The following PCDH11Y variants were observed in gnomAD, a reference collection of about 807,000 sequenced individuals.
PCDH11Y encodes the protein protocadherin-11 Y-linked.
For missense variants in PCDH11Y, 12 were observed against 224.8 expected (o/e 0.05, Z 6.05); for synonymous variants, 9 against 83.6 (o/e 0.11, Z 4.87).
intron 2 of PCDH11Y, among the ~76,000 whole-genome samples, chrY:5,302,487 T>C: frequency 3.1e-5 from 1 of 31,967 alleles, no homozygotes; most frequent in Non-Finnish European, 7.7e-5. Flanking sequence ...TCTTTCATTA[T>C]AGTAATGAAA....
chrY:5,489,580 T>G, intron 2 of PCDH11Y, among the ~76,000 whole-genome samples: 3 of 32,228 alleles, frequency 9.3e-5, no homozygotes, highest in Non-Finnish European at 1.5e-4. Context: ...GTTATAGAAT[T>G]TAATTATTCA....
intron 2 of PCDH11Y, among the ~76,000 whole-genome samples, chrY:5,148,767 T>G: frequency 6.1e-5 from 2 of 32,601 alleles, no homozygotes; most frequent in African/African-American, 2.4e-4. Context: ...ACAAAGCCTA[T>G]TTTATTAAAA....
chrY:5,151,283 C>G, intron 2 of PCDH11Y, among the ~76,000 whole-genome samples: 1 of 32,864 alleles, frequency 3.0e-5, no homozygotes, highest in Non-Finnish European at 7.6e-5. Flanking sequence ...AAAAATCATT[C>G]TGAAAGAGGC....
rs2053468631 is a variant in PCDH11Y at position 5,597,365 on chromosome Y, GTA to G, written c.3352+15576_3352+15577del. 1.1e-4 allele frequency among the ~76,000 whole-genome samples: 3 copies of G among 26,671 alleles called. No homozygotes were observed. The South Asian group carries it at 2.4e-3, about 22-fold the overall frequency. 71.6% of individuals were successfully genotyped at this position (26,671 alleles called of 37,273 possible). Reference sequence around the variant, plus strand: ...TATATATATGTGTGTATATATATACGTATATATATACATATATATGTGTGTGT... The same window carrying G: ...TATATATATGTGTGTATATATATACGTATATATACATATATATGTGTGTGT... On this transcript the variant is annotated intron_variant, in intron 4 of 4. Coordinates refer to the PCDH11Y transcript ENST00000400457.
At chrY:5,660,007 G>T (rs2053539868) in intron 4 of PCDH11Y, among the ~76,000 whole-genome samples, 1 of 28,376 alleles carries the variant, frequency 3.5e-5, no homozygotes, top group African/African-American at 1.4e-4. Context: ...ATCAGAAGTG[G>T]TTTTTTCCCT....
chrY:5,140,492 A>G, intron 2 of PCDH11Y, among the ~76,000 whole-genome samples: 1 of 30,310 alleles, frequency 3.3e-5, no homozygotes, highest in African/African-American at 1.3e-4. Flanking sequence ...ATTCTGATTC[A>G]AATGTTTATA....
chrY:5,164,965 A>G, intron 2 of PCDH11Y, among the ~76,000 whole-genome samples: 1 of 31,427 alleles, frequency 3.2e-5, no homozygotes, highest in Non-Finnish European at 7.8e-5. Context: ...ATCAAGCAAG[A>G]TAGTTCATAA....
At chrY:5,086,180 T>G in intron 1 of PCDH11Y, among the ~76,000 whole-genome samples, 1 of 32,248 alleles carries the variant, frequency 3.1e-5, no homozygotes, top group Non-Finnish European at 7.5e-5. Context: ...TTTCTTTTGC[T>G]AGATTCATTC....
intron 1 of PCDH11Y, among the ~76,000 whole-genome samples, chrY:5,081,313 A>G: frequency 6.1e-5 from 2 of 32,594 alleles, no homozygotes; most frequent in Non-Finnish European, 1.5e-4. Context: ...TGATGCCTCC[A>G]GCTTTGTTGT....
At chrY:5,654,246 G>T in intron 4 of PCDH11Y, among the ~76,000 whole-genome samples, 1 of 33,315 alleles carries the variant, frequency 3.0e-5, no homozygotes, top group African/African-American at 1.2e-4. Flanking sequence ...TGATGGTAAG[G>T]TTTCAGAGAA....
At chrY:5,681,190 A>C in intron 4 of PCDH11Y, among the ~76,000 whole-genome samples, 2 of 33,362 alleles carry the variant, frequency 6.0e-5, no homozygotes, top group African/African-American at 2.3e-4. Flanking sequence ...GTAATTTATA[A>C]AGAGAAGAGT....
intron 2 of PCDH11Y, among the ~76,000 whole-genome samples, chrY:5,144,382 A>G: frequency 3.1e-5 from 1 of 32,130 alleles, no homozygotes; most frequent in African/African-American, 1.2e-4. Context: ...TCATAATTTT[A>G]GAAATCTTAA....
intron 2 of PCDH11Y, among the ~76,000 whole-genome samples, chrY:5,111,397 C>G: frequency 2.9e-5 from 1 of 34,026 alleles, no homozygotes; most frequent in South Asian, 6.4e-4. Context: ...CGCACCTGGC[C>G]AAATAATTAG....
At chrY:5,352,118 C>CTT (rs2053160012) in intron 2 of PCDH11Y, among the ~76,000 whole-genome samples, 1 of 24,736 alleles carries the variant, frequency 4.0e-5, no homozygotes, top group African/African-American at 1.6e-4. Flanking sequence ...TTTCCGCCCA[C>CTT]TTTTTTTTTT....
intron 2 of PCDH11Y, among the ~76,000 whole-genome samples, chrY:5,320,309 CT>C (rs2053111290): frequency 3.0e-5 from 1 of 33,756 alleles, no homozygotes; most frequent in African/African-American, 1.1e-4. Flanking sequence ...AATGACTTTG[CT>C]TTTTAGTAAT....
At chrY:5,139,975 G>A (rs2052846653) in intron 2 of PCDH11Y, among the ~76,000 whole-genome samples, 1 of 11,908 alleles carries the variant, frequency 8.4e-5, no homozygotes, top group Admixed American at 7.1e-4. Context: ...AAACTTGGAG[G>A]CATCACATTA....
intron 4 of PCDH11Y, among the ~76,000 whole-genome samples, chrY:5,603,785 C>A: frequency 4.0e-5 from 1 of 25,292 alleles, no homozygotes; most frequent in African/African-American, 1.6e-4. Context: ...CACTATCATG[C>A]GTGCCCAGGA....
intron 2 of PCDH11Y, among the ~76,000 whole-genome samples, chrY:5,122,152 T>C: frequency 3.0e-5 from 1 of 32,816 alleles, no homozygotes; most frequent in Non-Finnish European, 7.5e-5. Flanking sequence ...AGTTTCCAAT[T>C]GACCTTAATC....
chrY:5,685,964 T>G, intron 4 of PCDH11Y, among the ~76,000 whole-genome samples: 1 of 33,857 alleles, frequency 3.0e-5, no homozygotes, highest in African/African-American at 1.1e-4. Flanking sequence ...TTTTTGCCAG[T>G]TAGAAAAGTG....
Sources: gnomAD v4.1 joint callset for allele counts (sites outside exome capture counted in the v4.1 genomes callset) on GRCh38, gnomAD v4.1.1 for gene constraint, MANE v1.5 for transcripts, NCBI Gene and HGNC (gene_info 2026-07-23, HGNC 2026-07-21) for gene names.